Variants in PPP2R2B observed in about 807,000 individuals in gnomAD.
PPP2R2B encodes serine/threonine-protein phosphatase 2A 55 kDa regulatory subunit B beta isoform.
PPP2R2B carries 5 observed loss-of-function variants against 46.0 expected under a neutral mutation model. The ratio of observed to expected loss-of-function variants is 0.11; its 90% CI spans 0.06 to 0.23. PPP2R2B has a LOEUF of 0.23. Among genes scored for constraint, PPP2R2B ranks in the 10% least tolerant of loss-of-function variants. The pLI, the probability that PPP2R2B is intolerant of heterozygous loss-of-function variation, is 1.00. For synonymous variants in PPP2R2B, 215 were observed against 206.7 expected (o/e 1.04, Z -0.34); for missense variants, 367 against 575.0 (o/e 0.64, Z 3.70).
At chr5:147,067,315 C>A (rs1278489542) in intron 2 of PPP2R2B, among the ~76,000 whole-genome samples, 1 of 152,054 alleles carries the variant, frequency 6.6e-6, no homozygotes, top group Admixed American at 6.6e-5. Context: ...TATCCTCAAC[C>A]TCCTCTTACC....
At chr5:146,714,074 A>G (rs1780350031) in intron 2 of PPP2R2B, among the ~76,000 whole-genome samples, 1 of 152,128 alleles carries the variant, frequency 6.6e-6, no homozygotes, top group African/African-American at 2.4e-5. Flanking sequence ...CAACATTGAA[A>G]AAGTTGGGGA....
At chr5:146,908,848 C>A (rs1763088346) in intron 1 of PPP2R2B, among the ~76,000 whole-genome samples, 1 of 151,690 alleles carries the variant, frequency 6.6e-6, no homozygotes, top group South Asian at 2.1e-4. Context: ...GTTGCCCAGG[C>A]TGGAGTGCAG....
chr5:146,885,563 G>A (rs956236828), intron 1 of PPP2R2B, among the ~76,000 whole-genome samples: 5 of 152,202 alleles, frequency 3.3e-5, no homozygotes, highest in Admixed American at 3.3e-4. Flanking sequence ...TAGTTTGCCA[G>A]TTCTTCAAAA....
At chr5:146,620,213 C>T (rs183335481) in intron 7 of PPP2R2B, among the ~76,000 whole-genome samples, 49 of 152,254 alleles carry the variant, frequency 3.2e-4, no homozygotes, top group Middle Eastern at 3.4e-3. Flanking sequence ...AAAGGGGAAG[C>T]GAAAACCTGT....
intron 1 of PPP2R2B, chr5:146,919,443 G>T (rs1257414963): frequency 6.6e-6 from 1 of 152,170 alleles, no homozygotes; most frequent in Non-Finnish European, 1.5e-5. Flanking sequence ...GTGGATAACA[G>T]GCAACCTATA....
intron 1 of PPP2R2B, among the ~76,000 whole-genome samples, chr5:146,917,219 G>T (rs1255437326): frequency 6.6e-6 from 1 of 152,134 alleles, no homozygotes; most frequent in Non-Finnish European, 1.5e-5. Context: ...AGCGACATGG[G>T]CTCTACACCC....
At chr5:147,038,267 A>C (rs546868244) in intron 1 of PPP2R2B, among the ~76,000 whole-genome samples, 1 of 152,334 alleles carries the variant, frequency 6.6e-6, no homozygotes, top group Non-Finnish European at 1.5e-5. Context: ...GTTAAGCAAC[A>C]AAATAAGTAA....
chr5:146,727,302 T>TG (rs1751937559), intron 2 of PPP2R2B, among the ~76,000 whole-genome samples: 1 of 139,200 alleles, frequency 7.2e-6, no homozygotes, highest in Admixed American at 6.9e-5. Flanking sequence ...TTATGAGAGG[T>TG]GTTTTTTTTT....
chr5:147,000,896 A>G (rs920760079), intron 1 of PPP2R2B, among the ~76,000 whole-genome samples: 2 of 152,132 alleles, frequency 1.3e-5, no homozygotes, highest in Non-Finnish European at 2.9e-5. Flanking sequence ...TGTTTCTTCA[A>G]GGCAGCATAT....
At chr5:146,802,160 T>C (rs1276798202) in intron 2 of PPP2R2B, among the ~76,000 whole-genome samples, 1 of 152,160 alleles carries the variant, frequency 6.6e-6, no homozygotes, top group Admixed American at 6.6e-5. Context: ...TCACCACAAA[T>C]TTCATGCTCT....
chr5:146,701,490 C>T (rs1007250992), intron 2 of PPP2R2B, among the ~76,000 whole-genome samples: 3 of 152,214 alleles, frequency 2.0e-5, no homozygotes, highest in African/African-American at 7.2e-5. Flanking sequence ...CGTGCATCCA[C>T]GGCCTTTACA....
chr5:146,740,239 T>C (rs1342722430), intron 2 of PPP2R2B, among the ~76,000 whole-genome samples: 2 of 151,948 alleles, frequency 1.3e-5, no homozygotes, highest in Middle Eastern at 3.2e-3. Context: ...GGTGTACAAG[T>C]GATAAAAGAG....
intron 2 of PPP2R2B, among the ~76,000 whole-genome samples, chr5:146,706,184 C>A (rs757285928): frequency 2.6e-5 from 4 of 152,106 alleles, no homozygotes; most frequent in Non-Finnish European, 4.4e-5. Flanking sequence ...GAGGGGCAGG[C>A]TGGGAGGGGC....
At chr5:146,802,604 G>A (rs1222909334) in intron 2 of PPP2R2B, among the ~76,000 whole-genome samples, 1 of 152,138 alleles carries the variant, frequency 6.6e-6, no homozygotes, top group Non-Finnish European at 1.5e-5. Flanking sequence ...AGCTTGTTCT[G>A]AAGAATCCCA....
intron 1 of PPP2R2B, chr5:147,054,640 C>T (rs892865749): frequency 4.4e-6 from 2 of 456,030 alleles, no homozygotes; most frequent in Non-Finnish European, 4.4e-6. Context: ...AACACACAGC[C>T]CCCAGTCTCA....
chr5:147,076,882 A>G (rs753090929), intron 2 of PPP2R2B, among the ~76,000 whole-genome samples: 6 of 152,056 alleles, frequency 3.9e-5, no homozygotes, highest in Non-Finnish European at 7.4e-5. Flanking sequence ...GTAAGCACTC[A>G]CTAAATGCTT....
Position 146,589,758 on chromosome 5 carries a change from C to A in PPP2R2B, c.*189G>T, listed in dbSNP as rs1036422900. ...AATTCTAAACAGAAGTGTCCCAAAC[C>A]TATTGGGTTTGACAAAAGTTTCTTA... On this transcript the variant is annotated 3_prime_UTR_variant, in exon 10 of 10. Coordinates refer to ENST00000394411, the MANE Select transcript of PPP2R2B (RefSeq NM_181675.4). 2.3e-5 allele frequency: 14 copies of A among 620,232 alleles called. No individual in the cohort carries two copies. In the African/African-American group the frequency reaches 2.6e-4, roughly 11 times the overall value. 38.4% of individuals were successfully genotyped at this position (620,232 alleles called of 1,614,324 possible).
At chr5:146,689,244 C>G (rs1055236829) in intron 5 of PPP2R2B, among the ~76,000 whole-genome samples, 1 of 152,050 alleles carries the variant, frequency 6.6e-6, no homozygotes, top group African/African-American at 2.4e-5. Flanking sequence ...CACAACAATT[C>G]CAGGAAGCAG....
chr5:146,711,068 C>T (rs1780189193), intron 2 of PPP2R2B, among the ~76,000 whole-genome samples: 1 of 152,200 alleles, frequency 6.6e-6, no homozygotes, highest in Non-Finnish European at 1.5e-5. Flanking sequence ...CATACTTTGC[C>T]TTTATAAGTT....
Sources: gnomAD v4.1 joint callset for allele counts (sites outside exome capture counted in the v4.1 genomes callset) on GRCh38, gnomAD v4.1.1 for gene constraint, MANE v1.5 for transcripts, NCBI Gene and HGNC (gene_info 2026-07-23, HGNC 2026-07-21) for gene names.